The following MAN2A1 variants were observed in gnomAD, a reference collection of about 807,000 sequenced individuals.
The protein encoded by MAN2A1 is alpha-mannosidase 2.
A neutral mutation model predicts 142.6 loss-of-function variants in MAN2A1; 76 were observed. The ratio of observed to expected loss-of-function variants is 0.53; its 90% CI spans 0.44 to 0.65. The LOEUF (loss-of-function observed/expected upper bound fraction) is 0.65. Ranked by LOEUF, MAN2A1 falls within the 30% of genes least tolerant of loss-of-function variation. The pLI is 0.00. For synonymous variants in MAN2A1, 559 were observed against 473.2 expected, an observed-to-expected ratio of 1.18 and a Z score of -2.35; for missense variants, 1,311 against 1,365.1, an observed-to-expected ratio of 0.96 and a Z score of 0.62.
At chr5:109,772,595 C>T (rs918253479) in intron 7 of MAN2A1, among the ~76,000 whole-genome samples, 2 of 152,134 alleles carry the variant, frequency 1.3e-5, no homozygotes, top group Non-Finnish European at 2.9e-5. Context: ...GAGCCTCCAT[C>T]ACCTGGGCTC....
intron 5 of MAN2A1, among the ~76,000 whole-genome samples, chr5:109,761,078 A>T (rs1279428124): frequency 6.6e-6 from 1 of 151,200 alleles, no homozygotes; most frequent in Non-Finnish European, 1.5e-5. Flanking sequence ...AAAATTTTTC[A>T]TATGCATGTG....
intron 12 of MAN2A1, among the ~76,000 whole-genome samples, chr5:109,808,317 G>C (rs1418438638): frequency 6.6e-6 from 1 of 152,084 alleles, no homozygotes; most frequent in Non-Finnish European, 1.5e-5. Flanking sequence ...TACATCCAAA[G>C]CTATTAAAAG....
chr5:109,804,230 G>A (rs1754105240), intron 12 of MAN2A1: 2 of 987,064 alleles, frequency 2.0e-6, no homozygotes, highest in South Asian at 9.4e-5. Flanking sequence ...AAAAGTCAGG[G>A]AGGGCTTCAA....
intron 1 of MAN2A1, among the ~76,000 whole-genome samples, chr5:109,710,127 A>G (rs1437471500): frequency 1.3e-5 from 2 of 152,202 alleles, no homozygotes; most frequent in Admixed American, 6.5e-5. Flanking sequence ...ATATATCCCT[A>G]GGCCATAATT....
chr5:109,801,243 T>A (rs1754022902), intron 12 of MAN2A1, among the ~76,000 whole-genome samples: 1 of 152,214 alleles, frequency 6.6e-6, no homozygotes, highest in Admixed American at 6.5e-5. Flanking sequence ...CTGTGGCTCT[T>A]GTTCTTGTGA....
Position 109,789,002 on chromosome 5 carries a change from A to G in MAN2A1, c.1829A>G (p.Asp610Gly), listed in dbSNP as rs145676564. 3.1e-6 allele frequency: 5 copies of G among 1,604,992 alleles called. No homozygotes were observed. The highest frequency in any genetic ancestry group is 4.3e-6 in the Non-Finnish European group (5 of 1,173,150). The change falls in exon 11 of 22, where the codon GAC (aspartate) becomes GGC (glycine). Residue 610 changes from aspartate to glycine, a missense_variant. Asp to Gly is a moderately conservative substitution (Grantham distance 94). Transcript: ENST00000261483. The part of the protein sequence containing the change: ...GNSAFLLILK[D>G]KLTYDSYSPD... ...TCTGCATTTCTTCTTATTTTGAAGG[A>G]CAAACTCACATACGACTCTTACTCT...
intron 6 of MAN2A1, among the ~76,000 whole-genome samples, chr5:109,769,145 G>A (rs1024127188): frequency 5.9e-5 from 9 of 152,066 alleles, no homozygotes; most frequent in Non-Finnish European, 1.0e-4. Context: ...CTTTTGTGGC[G>A]ACTATATGCT....
chr5:109,841,602 A>G (rs1050188033), intron 16 of MAN2A1, among the ~76,000 whole-genome samples: 2 of 152,216 alleles, frequency 1.3e-5, no homozygotes, highest in African/African-American at 4.8e-5. Flanking sequence ...AATGACAGAA[A>G]CTAGTAAACA....
At chr5:109,700,876 A>G (rs535703898) in intron 1 of MAN2A1, among the ~76,000 whole-genome samples, 1 of 152,358 alleles carries the variant, frequency 6.6e-6, no homozygotes, top group South Asian at 2.1e-4. Flanking sequence ...GGGTTAGGTA[A>G]TATGGAAATT....
At chr5:109,851,642 A>T (rs1233156953) in intron 19 of MAN2A1, among the ~76,000 whole-genome samples, 1 of 152,234 alleles carries the variant, frequency 6.6e-6, no homozygotes, top group East Asian at 1.9e-4. Flanking sequence ...TAGATAAATT[A>T]TCCAGTCTGT....
intron 10 of MAN2A1, among the ~76,000 whole-genome samples, chr5:109,787,633 T>C (rs1283541376): frequency 6.6e-6 from 1 of 152,004 alleles, no homozygotes; most frequent in Admixed American, 6.6e-5. Flanking sequence ...GATGCAGACA[T>C]TGATCCTGGC....
chr5:109,804,091 G>T (rs1159368467), intron 12 of MAN2A1: 10 of 806,604 alleles, frequency 1.2e-5, no homozygotes, highest in Non-Finnish European at 1.5e-5. Context: ...AGACTAAAGT[G>T]ATGTGGCATA....
intron 3 of MAN2A1, among the ~76,000 whole-genome samples, chr5:109,724,381 A>G (rs867988915): frequency 6.6e-6 from 1 of 152,200 alleles, no homozygotes; most frequent in African/African-American, 2.4e-5. Flanking sequence ...ATCATGCAAT[A>G]TACCCGTGGA....
At chr5:109,839,260 G>A (rs1438001776) in intron 16 of MAN2A1, among the ~76,000 whole-genome samples, 1 of 151,958 alleles carries the variant, frequency 6.6e-6, no homozygotes, top group Non-Finnish European at 1.5e-5. Context: ...ATTTCATTTT[G>A]GCTTTACAAA....
rs181995049 is a variant in MAN2A1 at position 109,786,941 on chromosome 5, C to T, written c.1761-1993C>T. Among the ~76,000 whole-genome samples the T allele has an allele frequency of 4.1e-4, 62 of 152,128 alleles. 1 individual carries two copies. The East Asian group carries it at 0.011, about 28-fold the overall frequency. Reference sequence around the variant, plus strand: ...TGCAGTGTCATCAGGCATTCAGGCCCTTCTTTCTCCTCTGCCATAGTAGGG... The same window carrying T: ...TGCAGTGTCATCAGGCATTCAGGCCTTTCTTTCTCCTCTGCCATAGTAGGG... On this transcript the variant is annotated intron_variant, in intron 10 of 21. Coordinates refer to ENST00000261483, the MANE Select transcript of MAN2A1 (RefSeq NM_002372.4).
chr5:109,740,503 G>A (rs969173025), intron 4 of MAN2A1, among the ~76,000 whole-genome samples: 4 of 150,204 alleles, frequency 2.7e-5, no homozygotes, highest in Non-Finnish European at 5.9e-5. Flanking sequence ...CTGGCTGCTT[G>A]TGGTCAGGTG....
rs373215461 is a variant in MAN2A1 at position 109,722,559 on chromosome 5, C to G, written c.535+6295C>G. Among the ~76,000 whole-genome samples, 16 of 152,240 alleles carry G rather than the reference C, an allele frequency of 1.1e-4. 1 individual carries two copies. Among genetic ancestry groups the G allele is most frequent in the African/African-American group, 3.6e-4 (15 of 41,550 alleles). On this transcript the variant is annotated intron_variant, in intron 3 of 21. Transcript: ENST00000261483. ...CCACCTGAGTAGCTGGGATTACAGG[C>G]ACACGCCACAGTGCCTAGCTATTTT... is the stretch of plus-strand genomic sequence containing the variant.
At position 109,790,528 on chromosome 5, in the gene MAN2A1, G is replaced by A. The variant is rs117666232; in HGVS notation, c.1943+1001G>A. 2.4e-4 allele frequency among the ~76,000 whole-genome samples: 37 copies of A among 152,054 alleles called. No individual in the cohort carries two copies. In the East Asian group the frequency reaches 7.2e-3, roughly 29 times the overall value. On this transcript the variant is annotated intron_variant, in intron 12 of 21. Transcript: ENST00000261483. ...CTGTAACACGGCAGAAGCCTTAGGA[G>A]CTTTCAGATTGCCAGGTCATAGTTA...
chr5:109,813,005 A>G (rs912504110), intron 12 of MAN2A1, among the ~76,000 whole-genome samples: 5 of 152,198 alleles, frequency 3.3e-5, no homozygotes, highest in African/African-American at 9.6e-5. Context: ...TTGAAAAAAT[A>G]TGTATTTTTT....
Sources: gnomAD v4.1 joint callset for allele counts (sites outside exome capture counted in the v4.1 genomes callset) on GRCh38, gnomAD v4.1.1 for gene constraint, MANE v1.5 for transcripts, NCBI Gene and HGNC (gene_info 2026-07-23, HGNC 2026-07-21) for gene names.